SH3BP4: variants seen among roughly 807,000 people sequenced by gnomAD.
SH3BP4 encodes SH3 domain-binding protein 4.
In SH3BP4, 33 loss-of-function variants were observed where a neutral mutation model predicts 65.5. The observed-to-expected ratio is 0.50, with a 90% CI of 0.38 to 0.67. The LOEUF (loss-of-function observed/expected upper bound fraction) is 0.67. Among genes scored for constraint, SH3BP4 ranks in the 30% least tolerant of loss-of-function variants. The probability of loss-of-function intolerance (pLI) is 0.00; values close to 1 mark genes in which losing one functional copy is unlikely to be tolerated. For missense variants in SH3BP4, 1,134 were observed against 1,261.4 expected, an observed-to-expected ratio of 0.90 and a Z score of 1.53; for synonymous variants, 552 against 545.5, an observed-to-expected ratio of 1.01 and a Z score of -0.17.
rs1177197935 is a variant in SH3BP4 at position 235,034,800 on chromosome 2, T to A, written c.-132-71T>A. 3 of 568,330 alleles carry A rather than the reference T, an allele frequency of 5.3e-6. No individual in the cohort carries two copies. The African/African-American group carries it at 5.6e-5, about 11-fold the overall frequency. The allele number at this position is 568,330 out of a possible 1,614,324, so 35.2% of individuals were successfully genotyped here. On this transcript the variant is annotated intron_variant, in intron 2 of 5. Transcript: ENST00000392011. This position sits in a 1 kb window ranked among gnomAD's most constrained non-coding sequence, Gnocchi z 6.2. ...GCCTGGAAGAAAGAGGATTCCCACT[T>A]CCCATAAAATTACCATTGAACCCAT...
rs142620227 is a variant in SH3BP4, at chr2:235,018,791, C to T, written c.-132-16080C>T. Among the ~76,000 whole-genome samples, 36 of 152,198 alleles carry T rather than the reference C, an allele frequency of 2.4e-4. No individual in the cohort carries two copies. The East Asian group carries it at 5.0e-3, about 21-fold the overall frequency. On this transcript the variant is annotated intron_variant, in intron 2 of 5. Transcript: ENST00000392011. ...CTGGGAATCGGGGCACATCTGGGAA[C>T]GGAGTTTGTTCACGGAGCTTACCTT...
At chr2:235,021,705 A>C (rs2106310167) in intron 2 of SH3BP4, among the ~76,000 whole-genome samples, 1 of 152,326 alleles carries the variant, frequency 6.6e-6, no homozygotes, top group African/African-American at 2.4e-5. Flanking sequence ...GAAATAGAAT[A>C]GTGCATAGAA....
rs35766016 is a variant in SH3BP4, at chr2:235,042,284, G to C, written c.1515G>C (p.Leu505=). 6.1e-3 allele frequency: 9,829 copies of C among 1,614,110 alleles called. 521 individuals carry two copies. The African/African-American group carries it at 0.12, about 19-fold the overall frequency. The part of the protein sequence containing the change: ...FGHDCAPKTL[L]VSEVTRQAPN... ...ATGACTGTGCCCCAAAGACGCTCCT[G>C]GTCAGCGAGGTCACACGCCAGGCAC... The change falls in exon 4 of 6, where the codon CTG becomes CTC. Residue 505 remains leucine (L), a synonymous_variant. Transcript: ENST00000392011. The surrounding 1 kb of genome is among the most constrained non-coding windows in gnomAD (Gnocchi z 7.3).
chr2:234,997,489 G>C lies in SH3BP4; in HGVS notation c.-133+2113G>C, dbSNP rs1402993847. Among the ~76,000 whole-genome samples, 1 of 152,222 alleles carries C rather than the reference G, an allele frequency of 6.6e-6. No homozygotes were observed. Among genetic ancestry groups the C allele is most frequent in the South Asian group, 2.1e-4 (1 of 4,832 alleles). ...GGTGTCCTTCAGGATGAAGGAGGCA[G>C]CAGAAATGCTCCCTGACTCAGTTCC... is the stretch of plus-strand genomic sequence containing the variant. On this transcript the variant is annotated intron_variant, in intron 2 of 5. Coordinates refer to ENST00000392011, the MANE Select transcript of SH3BP4 (RefSeq NM_014521.3). The surrounding 1 kb of genome is among the most constrained non-coding windows in gnomAD (Gnocchi z 4.2).
chr2:234,992,774 C>T lies in SH3BP4; in HGVS notation c.-206-2529C>T, dbSNP rs1255235196. On this transcript the variant is annotated intron_variant, in intron 1 of 5. Coordinates refer to ENST00000392011, the MANE Select transcript of SH3BP4 (RefSeq NM_014521.3). ...GCCATGTGGCTCTGGGTCTGGGCAG[C>T]ACCTGGAGATGGACACATTCCTGCC... Among the ~76,000 whole-genome samples the T allele has an allele frequency of 2.7e-5, 4 of 149,646 alleles. No homozygotes were observed. In the South Asian group the frequency reaches 8.7e-4, roughly 33 times the overall value.
chr2:234,985,734 T>C (rs974454674), intron 1 of SH3BP4, among the ~76,000 whole-genome samples: 2 of 152,134 alleles, frequency 1.3e-5, no homozygotes, highest in African/African-American at 2.4e-5. Flanking sequence ...TCAGGGACTG[T>C]GCGCAGGTGA....
chr2:234,972,282 C>T (rs1287315070), intron 1 of SH3BP4, among the ~76,000 whole-genome samples: 2 of 151,928 alleles, frequency 1.3e-5, no homozygotes, highest in African/African-American at 4.8e-5. Flanking sequence ...TAGGCACGCA[C>T]CACCATGCCC....
chr2:235,005,605 AC>A (rs1464565650), intron 2 of SH3BP4, among the ~76,000 whole-genome samples: 1 of 151,108 alleles, frequency 6.6e-6, no homozygotes, highest in Non-Finnish European at 1.5e-5. Context: ...GAGCTGCTGA[AC>A]CCCCGCCTCC....
rs1296086634 is a variant in SH3BP4, at chr2:234,977,599, C to T, written c.-206-17704C>T. On this transcript the variant is annotated intron_variant, in intron 1 of 5. Transcript: ENST00000392011. The surrounding 1 kb of genome is among the most constrained non-coding windows in gnomAD (Gnocchi z 5.1). ...GACCTGTGGCCGTGGTGCCAGCCCC[C>T]ACTAATCCCATTAGCGACTTAGGGG... Among the ~76,000 whole-genome samples, 2 of 152,136 alleles carry T rather than the reference C, an allele frequency of 1.3e-5. No homozygotes were observed. The highest frequency in any genetic ancestry group is 1.9e-4 in the East Asian group (1 of 5,178).
At chr2:234,999,948 G>A (rs1694047319) in intron 2 of SH3BP4, among the ~76,000 whole-genome samples, 1 of 152,230 alleles carries the variant, frequency 6.6e-6, no homozygotes, top group South Asian at 2.1e-4. Context: ...CTGCCCTTGG[G>A]CTGCTTTTGA....
At chr2:235,014,766 C>G (rs1694634619) in intron 2 of SH3BP4, among the ~76,000 whole-genome samples, 1 of 152,178 alleles carries the variant, frequency 6.6e-6, no homozygotes, top group Admixed American at 6.5e-5. Flanking sequence ...GGATGCCAGT[C>G]CTATTGGATT....
chr2:234,965,973 ATTG>A (rs1179281608), intron 1 of SH3BP4, among the ~76,000 whole-genome samples: 1 of 152,260 alleles, frequency 6.6e-6, no homozygotes, highest in African/African-American at 2.4e-5. Context: ...AAAAATAACA[ATTG>A]TTGTTTGGGT....
intron 1 of SH3BP4, among the ~76,000 whole-genome samples, chr2:234,981,926 G>A (rs1457833382): frequency 2.0e-5 from 3 of 152,122 alleles, no homozygotes; most frequent in Admixed American, 6.5e-5. Context: ...TTGTAAGCTC[G>A]GCTGCCATTT....
At chr2:234,961,360 C>G (rs1159312569) in intron 1 of SH3BP4, among the ~76,000 whole-genome samples, 1 of 152,160 alleles carries the variant, frequency 6.6e-6, no homozygotes, top group Non-Finnish European at 1.5e-5. Context: ...AAATCTCCAC[C>G]CACTGAGTTG....
chr2:235,008,313 G>A (rs151284465), intron 2 of SH3BP4, among the ~76,000 whole-genome samples: 33 of 152,308 alleles, frequency 2.2e-4, no homozygotes, highest in Admixed American at 2.0e-3. Flanking sequence ...TGATGCAGCT[G>A]GGGCTCTGTG....
chr2:234,974,863 T>A lies in SH3BP4; in HGVS notation c.-206-20440T>A, dbSNP rs912665778. On this transcript the variant is annotated intron_variant, in intron 1 of 5. Transcript: ENST00000392011. This position sits in a 1 kb window ranked among gnomAD's most constrained non-coding sequence, Gnocchi z 4.6. ...GTGCCCACACTGGGGGTGCTGCAGG[T>A]CGCGTTTCACCCTGGCACGCCCTGC... Among the ~76,000 whole-genome samples, 18 of 152,078 alleles carry A rather than the reference T, an allele frequency of 1.2e-4. No individual in the cohort carries two copies. The highest frequency in any genetic ancestry group is 4.3e-4 in the African/African-American group (18 of 41,418).
At chr2:235,049,379 T>G (rs1695974242) in intron 4 of SH3BP4, among the ~76,000 whole-genome samples, 1 of 152,198 alleles carries the variant, frequency 6.6e-6, no homozygotes, top group Non-Finnish European at 1.5e-5. Flanking sequence ...ATGAGGCCAC[T>G]TTGGAGCCAG....
chr2:234,956,329 T>C (rs1044474189), intron 1 of SH3BP4, among the ~76,000 whole-genome samples: 2 of 152,158 alleles, frequency 1.3e-5, no homozygotes, highest in Non-Finnish European at 2.9e-5. Flanking sequence ...AGGAAGGCGG[T>C]TAAGTAAATG....
chr2:234,962,022 C>G (rs1692726662), intron 1 of SH3BP4, among the ~76,000 whole-genome samples: 1 of 152,104 alleles, frequency 6.6e-6, no homozygotes, highest in African/African-American at 2.4e-5. Flanking sequence ...TGCAAGAGGT[C>G]TTTACCTGCC....
Sources: gnomAD v4.1 joint callset for allele counts (sites outside exome capture counted in the v4.1 genomes callset) on GRCh38, gnomAD v4.1.1 for gene constraint, Gnocchi (gnomAD v3.1) non-coding constraint, MANE v1.5 for transcripts, NCBI Gene and HGNC (gene_info 2026-07-23, HGNC 2026-07-21) for gene names.